The following MGAT4C variants were observed in gnomAD, a reference collection of about 807,000 sequenced individuals.
MGAT4C encodes the protein alpha-1,3-mannosyl-glycoprotein 4-beta-N-acetylglucosaminyltransferase C.
MGAT4C carries 19 observed loss-of-function variants against 40.1 expected under a neutral mutation model. The ratio of observed to expected loss-of-function variants is 0.47; its 90% CI spans 0.33 to 0.70. The LOEUF (loss-of-function observed/expected upper bound fraction) is 0.70. MGAT4C is among the 30% of genes least tolerant of loss of function. The pLI is 0.02. For synonymous variants in MGAT4C, 181 were observed against 187.1 expected (o/e 0.97, Z 0.27); for missense variants, 491 against 563.2 (o/e 0.87, Z 1.30).
Position 86,023,702 on chromosome 12 carries a change from TAGCCACTTGA to T in MGAT4C, c.-7+25962_-7+25971del, listed in dbSNP as rs577135305. On this transcript the variant is annotated intron_variant, in intron 2 of 4. Transcript: ENST00000611864. ...ATAGAACACATAATACTGTTGTTTG[TAGCCACTTGA>T]AGCAGTAACTAGCTTTTTTTCCATT... Among the ~76,000 whole-genome samples the T allele has an allele frequency of 2.1e-3, 320 of 151,318 alleles. 2 individuals carry two copies. Among genetic ancestry groups the T allele is most frequent in the Middle Eastern group, 0.011 (3 of 282 alleles).
chr12:86,251,802 GA>G (rs1952293205), intron 1 of MGAT4C, among the ~76,000 whole-genome samples: 1 of 151,904 alleles, frequency 6.6e-6, no homozygotes, highest in Non-Finnish European at 1.5e-5. Context: ...ACTTACTTGT[GA>G]AAATTTACCT....
intron 2 of MGAT4C, among the ~76,000 whole-genome samples, chr12:86,459,959 AT>A (rs1957572824): frequency 1.3e-5 from 2 of 151,954 alleles, no homozygotes; most frequent in African/African-American, 2.4e-5. Flanking sequence ...CAATGTTAAC[AT>A]TTTTATTTCT....
chr12:86,303,649 T>C (rs117558869), intron 4 of MGAT4C, among the ~76,000 whole-genome samples: 1 of 150,414 alleles, frequency 6.6e-6, no homozygotes, highest in Non-Finnish European at 1.5e-5. Flanking sequence ...TAACCTTAAA[T>C]AATTCTGGCT....
rs567984221 is a variant in MGAT4C, at chr12:86,311,786, T to C, written c.-57+22279A>G. 2.0e-5 allele frequency among the ~76,000 whole-genome samples: 3 copies of C among 152,336 alleles called. No homozygotes were observed. In the East Asian group the frequency reaches 5.8e-4, roughly 29 times the overall value. On this transcript the variant is annotated intron_variant, in intron 4 of 7. Transcript: ENST00000548651. The stretch of plus-strand genomic sequence containing the variant: ...TTTGTCCACAGGTTGTCCTGCCTCC[T>C]TCTGACCTCCACCATCTCCCCACTT...
At chr12:86,346,376 C>T (rs1955032536) in intron 3 of MGAT4C, among the ~76,000 whole-genome samples, 1 of 152,064 alleles carries the variant, frequency 6.6e-6, no homozygotes, top group Non-Finnish European at 1.5e-5. Context: ...AGATGTGCAC[C>T]ACCATGCCCG....
intron 2 of MGAT4C, among the ~76,000 whole-genome samples, chr12:86,572,863 C>T (rs531816648): frequency 8.5e-4 from 130 of 152,114 alleles, no homozygotes; most frequent in African/African-American, 2.8e-3. Context: ...GCCCTTCTCT[C>T]TTTTCTTCCC....
chr12:86,689,441 T>C (rs1950134931), intron 2 of MGAT4C, among the ~76,000 whole-genome samples: 1 of 152,020 alleles, frequency 6.6e-6, no homozygotes, highest in Non-Finnish European at 1.5e-5. Context: ...TCCTCATCTA[T>C]GTTTATTTAT....
chr12:86,345,804 T>C lies in MGAT4C; in HGVS notation c.-119-11677A>G, dbSNP rs368655694. 4.1e-3 allele frequency among the ~76,000 whole-genome samples: 623 copies of C among 152,304 alleles called. 5 individuals are homozygous for C. The highest frequency in any genetic ancestry group is 0.014 in the African/African-American group (593 of 41,578). The stretch of plus-strand genomic sequence containing the variant: ...TGGCTGGGTCAAATGGTATTTCTAG[T>C]TCTAGATCCCTGAGGAATCGCCACA... On this transcript the variant is annotated intron_variant, in intron 3 of 7. Coordinates refer to the MGAT4C transcript ENST00000548651.
At chr12:86,281,770 T>C (rs1177874142) in intron 4 of MGAT4C, among the ~76,000 whole-genome samples, 1 of 152,114 alleles carries the variant, frequency 6.6e-6, no homozygotes, top group Non-Finnish European at 1.5e-5. Context: ...GCAGTACTGT[T>C]TGTGGTAGGT....
chr12:86,068,686 C>T (rs1408637916), intron 1 of MGAT4C, among the ~76,000 whole-genome samples: 1 of 151,798 alleles, frequency 6.6e-6, no homozygotes, highest in African/African-American at 2.4e-5. Context: ...AAGGCTTGTG[C>T]CAATCTAATC....
At chr12:86,001,817 C>T (rs1342815003) in intron 2 of MGAT4C, 1 of 177,810 alleles carries the variant, frequency 5.6e-6, no homozygotes, top group South Asian at 1.9e-4. Context: ...CTATTTGATC[C>T]TATTTCTCCC....
At position 85,966,882 on chromosome 12, in the gene MGAT4C, A is replaced by C. The variant is rs1484399107; in HGVS notation, c.*12407T>G. On this transcript the variant is annotated 3_prime_UTR_variant, in exon 5 of 5. Coordinates refer to ENST00000611864, the MANE Select transcript of MGAT4C (RefSeq NM_001351288.2). ...AGACACAGGAAGGGGAACATCACAC[A>C]CTGGGCCTGTTGTGGGGTCAGGGGA... The C allele has an allele frequency of 7.4e-6, 1 of 134,468 alleles. No individual in the cohort carries two copies. The highest frequency in any genetic ancestry group is 1.6e-5 in the Non-Finnish European group (1 of 63,074). The allele number at this position is 134,468 out of a possible 1,614,324, so 8.3% of individuals were successfully genotyped here.
At chr12:86,429,719 AT>A (rs1956996777) in intron 3 of MGAT4C, among the ~76,000 whole-genome samples, 1 of 151,506 alleles carries the variant, frequency 6.6e-6, no homozygotes, top group African/African-American at 2.4e-5. Flanking sequence ...CTTGTCCTTG[AT>A]TTTTTATTGT....
intron 2 of MGAT4C, among the ~76,000 whole-genome samples, chr12:86,585,658 G>C (rs1271289721): frequency 6.7e-6 from 1 of 150,012 alleles, no homozygotes; most frequent in South Asian, 2.1e-4. Context: ...ATTATCACTT[G>C]TCTTCATTTT....
At chr12:86,614,047 T>C (rs1003438663) in intron 2 of MGAT4C, among the ~76,000 whole-genome samples, 1 of 152,102 alleles carries the variant, frequency 6.6e-6, no homozygotes, top group African/African-American at 2.4e-5. Flanking sequence ...ACATCCTCTA[T>C]AATTGCTAAA....
intron 1 of MGAT4C, among the ~76,000 whole-genome samples, chr12:86,828,406 C>T (rs887620813): frequency 2.0e-5 from 3 of 151,036 alleles, no homozygotes; most frequent in African/African-American, 7.3e-5. Context: ...TATGCATAAC[C>T]TTAATATACT....
chr12:86,362,823 C>T (rs146196987), intron 3 of MGAT4C, among the ~76,000 whole-genome samples: 2,525 of 139,798 alleles, frequency 0.018, 27 homozygotes, highest in Middle Eastern at 0.037. Context: ...GCCGAGATCA[C>T]GCTGCTGCAC....
At position 86,662,618 on chromosome 12, in the gene MGAT4C, A is replaced by C. The variant is rs145855937; in HGVS notation, c.-229+64591T>G. Among the ~76,000 whole-genome samples, 192 of 152,232 alleles carry C rather than the reference A, an allele frequency of 1.3e-3. 1 individual carries two copies. Among genetic ancestry groups the C allele is most frequent in the Middle Eastern group, 6.8e-3 (2 of 294 alleles). On this transcript the variant is annotated intron_variant, in intron 2 of 7. Transcript: ENST00000548651. Reference sequence around the variant, plus strand: ...TCATGTCTCAGATCCTCAAACCTCTAATATGTAAATGATAACAGGCTGCAA... The same window carrying C: ...TCATGTCTCAGATCCTCAAACCTCTCATATGTAAATGATAACAGGCTGCAA...
chr12:85,999,291 C>A (rs2136764458), intron 2 of MGAT4C, among the ~76,000 whole-genome samples: 1 of 152,104 alleles, frequency 6.6e-6, no homozygotes, highest in Non-Finnish European at 1.5e-5. Flanking sequence ...ACAGCCAAAC[C>A]ATATCAAGCA....
Sources: gnomAD v4.1 joint callset for allele counts (sites outside exome capture counted in the v4.1 genomes callset) on GRCh38, gnomAD v4.1.1 for gene constraint, MANE v1.5 for transcripts, NCBI Gene and HGNC (gene_info 2026-07-23, HGNC 2026-07-21) for gene names.